CENPN: variants seen among roughly 807,000 people sequenced by gnomAD.
CENPN encodes centromere protein N, also known as interphase centromere complex protein 32.
In CENPN, 36 loss-of-function variants were observed where a neutral mutation model predicts 48.6. The ratio of observed to expected loss-of-function variants is 0.74; its 90% CI spans 0.57 to 0.98. CENPN has a LOEUF of 0.98. Among genes scored for constraint, CENPN ranks in the 50% least tolerant of loss-of-function variants. CENPN has a pLI of 0.00. For synonymous variants in CENPN, 166 were observed against 135.2 expected (o/e 1.23, Z -1.58); for missense variants, 439 against 399.2 (o/e 1.10, Z -0.85).
rs558996771 is a variant in CENPN, at chr16:81,012,133, G to A, written c.171+23G>A. On this transcript the variant is annotated intron_variant, in intron 2 of 10. Transcript: ENST00000305850. ...GAGGTAACAGTGTTAAAAATGATGA[G>A]CCTTGAACAGAGTGCTACCCCCTTG... The A allele has an allele frequency of 5.4e-5, 87 of 1,606,968 alleles. 1 individual carries two copies. The highest frequency in any genetic ancestry group is 3.5e-4 in the South Asian group (32 of 90,796).
At chr16:81,010,983 T>C (rs1198772233) in intron 1 of CENPN, among the ~76,000 whole-genome samples, 2 of 152,212 alleles carry the variant, frequency 1.3e-5, no homozygotes, top group Non-Finnish European at 2.9e-5. Flanking sequence ...CAAGAGCATG[T>C]CCTGCCTGTG....
In CENPN at chr16:81,030,114, A is replaced by G; in HGVS notation, c.*1463A>G. 6 of 748,204 alleles carry G rather than the reference A, an allele frequency of 8.0e-6. No homozygotes were observed. Among genetic ancestry groups the G allele is most frequent in the Non-Finnish European group, 9.8e-6 (6 of 613,772 alleles). 46.3% of individuals were successfully genotyped at this position (748,204 alleles called of 1,614,324 possible). A position where few individuals can be genotyped will look rare whatever the true frequency, so the allele number is the denominator to read the frequency against. Reference sequence around the variant, plus strand: ...GAATAGTATGGGGGAAATCGTTCCCATGACTCAAGTATCTCCACCTGGCCC... The same window carrying G: ...GAATAGTATGGGGGAAATCGTTCCCGTGACTCAAGTATCTCCACCTGGCCC... On this transcript the variant is annotated 3_prime_UTR_variant, in exon 11 of 11. Coordinates refer to ENST00000305850, the MANE Select transcript of CENPN (RefSeq NM_001100624.3).
rs751042199 is a variant in CENPN, at chr16:81,028,240, C to T, written c.880C>T (p.Leu294=). 6.8e-6 allele frequency: 11 copies of T among 1,613,718 alleles called. No homozygotes were observed. Among genetic ancestry groups the T allele is most frequent in the Non-Finnish European group, 8.5e-6 (10 of 1,179,722 alleles). Residue 294 remains leucine, a synonymous_variant, in exon 10 of 11, where the codon CTA becomes TTA. Coordinates refer to ENST00000305850, the MANE Select transcript of CENPN (RefSeq NM_001100624.3). ...TGAGAGGGAAGAACCCCTCCGATGC[C>T]TAATAAAGTTCTCTAGCCCACATCT... ...LAEREEPLRC[L]IKFSSPHLLE...
downstream of CENPN, chr16:81,032,934 G>A (rs1597118355): frequency 5.8e-6 from 2 of 346,904 alleles, no homozygotes; most frequent in East Asian, 9.9e-5. Flanking sequence ...ACTAATCTGT[G>A]GCCAACCAAC....
At chr16:81,020,597 C>T in intron 6 of CENPN, 1 of 205,502 alleles carries the variant, frequency 4.9e-6, no homozygotes, top group Non-Finnish European at 9.6e-6. Flanking sequence ...GGGAACATGG[C>T]ATAAGATATT....
At position 81,029,423 on chromosome 16, in the gene CENPN, A is replaced by C; in HGVS notation, c.*772A>C. ...TATTTCTTTATTTATTTATTGAGAC[A>C]GGGTCTCACTGTGTCACCCAAGCTG... On this transcript the variant is annotated 3_prime_UTR_variant, in exon 11 of 11. Transcript: ENST00000305850. 4 of 476,992 alleles carry C rather than the reference A, an allele frequency of 8.4e-6. No homozygotes were observed. Among genetic ancestry groups the C allele is most frequent in the Non-Finnish European group, 1.1e-5 (4 of 365,394 alleles). The allele number at this position is 476,992 out of a possible 1,614,324, so 29.5% of individuals were successfully genotyped here. A position where few individuals can be genotyped will look rare whatever the true frequency, so the allele number is the denominator to read the frequency against.
chr16:81,028,716 G>T lies in CENPN; in HGVS notation c.*65G>T. 6.4e-7 allele frequency: 1 copy of T among 1,564,824 alleles called. No homozygotes were observed. Among genetic ancestry groups the T allele is most frequent in the Non-Finnish European group, 8.6e-7 (1 of 1,162,868 alleles). On this transcript the variant is annotated 3_prime_UTR_variant, in exon 11 of 11. Transcript: ENST00000305850. ...TATTGCACATGCACTTCAGTTCATG[G>T]CTAGCTGTATAGCTTCCGTCTGTAA...
chr16:81,019,766 C>G (rs1473469463), intron 5 of CENPN, among the ~76,000 whole-genome samples: 4 of 151,576 alleles, frequency 2.6e-5, no homozygotes, highest in Admixed American at 6.6e-5. Context: ...GTCTCAGCTA[C>G]TAGGGAGGCT....
At chr16:81,018,725 C>T (rs1465653317) in intron 5 of CENPN, among the ~76,000 whole-genome samples, 6 of 152,162 alleles carry the variant, frequency 3.9e-5, no homozygotes, top group African/African-American at 9.7e-5. Context: ...AGCTGTGTGC[C>T]GCCATACCCT....
At chr16:81,032,248 T>A (rs917055130), downstream of CENPN, among the ~76,000 whole-genome samples, 4 of 152,212 alleles carry the variant, frequency 2.6e-5, no homozygotes, top group Admixed American at 1.3e-4. Flanking sequence ...TAGAGCCACA[T>A]ATGGATGGAC....
downstream of CENPN, among the ~76,000 whole-genome samples, chr16:81,032,255 G>A (rs142963063): frequency 4.6e-5 from 7 of 152,288 alleles, no homozygotes; most frequent in East Asian, 1.4e-3. Flanking sequence ...ACATATGGAT[G>A]GACCTTTTCA....
downstream of CENPN, among the ~76,000 whole-genome samples, chr16:81,032,388 G>A (rs565755716): frequency 8.5e-5 from 13 of 152,154 alleles, no homozygotes; most frequent in East Asian, 7.7e-4. Flanking sequence ...AATTACACAC[G>A]TTCCCCATCT....
chr16:81,027,039 C>G (rs2151712177), intron 9 of CENPN, among the ~76,000 whole-genome samples: 1 of 152,178 alleles, frequency 6.6e-6, no homozygotes, highest in African/African-American at 2.4e-5. Flanking sequence ...TCAGGTGATC[C>G]ACCTTGCCTC....
chr16:81,017,931 A>C, intron 5 of CENPN, 97 bp downstream of exon 5: 1 of 696,606 alleles, frequency 1.4e-6, no homozygotes, highest in South Asian at 1.8e-5. Flanking sequence ...ATTTGTAAGA[A>C]ATTCAGTTAG....
intron 1 of CENPN, among the ~76,000 whole-genome samples, chr16:81,009,661 T>C (rs1418310313): frequency 6.6e-6 from 1 of 152,244 alleles, no homozygotes; most frequent in African/African-American, 2.4e-5. Context: ...ATTGTTAAAA[T>C]ACAGTCAACT....
rs775268992 is a variant in CENPN, at chr16:81,017,772, C to G, written c.292C>G (p.Leu98Val). The stretch of plus-strand genomic sequence containing the variant: ...CACTTTGGCAGGTGAAGATGTTGAC[C>G]TTTTTGATATGAAACAATTTAAAAA... Reference protein sequence around the residue: ...MSKGPGEDVDLFDMKQFKNSF... With the variant: ...MSKGPGEDVDVFDMKQFKNSF... The change falls in exon 5 of 11, where the codon CTT (leucine) becomes GTT (valine). Residue 98 changes from leucine (L) to valine (V), a missense_variant. By Grantham distance (32) the Leu-to-Val change is conservative. Transcript: ENST00000305850. 1.9e-6 allele frequency: 3 copies of G among 1,587,434 alleles called. No homozygotes were observed. The highest frequency in any genetic ancestry group is 1.7e-6 in the Non-Finnish European group (2 of 1,169,574).
Position 81,007,234 on chromosome 16 carries a change from C to T in CENPN, c.-54C>T, listed in dbSNP as rs187149286. 73 of 168,742 alleles carry T rather than the reference C, an allele frequency of 4.3e-4. No individual in the cohort carries two copies. The highest frequency in any genetic ancestry group is 1.5e-3 in the African/African-American group (64 of 41,826). The allele number at this position is 168,742 out of a possible 1,614,324, so 10.5% of individuals were successfully genotyped here. ...TTGGTGGCTTTGAAGGCGCGGCGAG[C>T]GGGAACAGCTCTTGAGGAGTGAGAC... On this transcript the variant is annotated 5_prime_UTR_variant, in exon 1 of 11. Transcript: ENST00000305850.
At position 81,020,207 on chromosome 16, in the gene CENPN, C is replaced by G. The variant is rs1970119119; in HGVS notation, c.462C>G (p.Tyr154Ter). Residue 154 changes from tyrosine (Y) to a stop codon, truncating the protein, a stop_gained, in exon 6 of 11, where the codon TAC becomes TAG. Transcript: ENST00000305850. LOFTEE classifies it high-confidence loss of function. Reference protein sequence around the residue: ...PNQYKPTYVVYYSQTPYAFTS... With the variant: ...PNQYKPTYVV ...AGTACAAACCTACCTACGTGGTGTA[C>G]TACTCCCAGACTCCGTACGCCTTCA... 2 of 1,613,924 alleles carry G rather than the reference C, an allele frequency of 1.2e-6. No homozygotes were observed. The highest frequency in any genetic ancestry group is 1.7e-5 in the Admixed American group (1 of 59,976).
intron 6 of CENPN, among the ~76,000 whole-genome samples, chr16:81,021,187 A>C (rs1970176560): frequency 6.6e-6 from 1 of 152,212 alleles, no homozygotes; most frequent in Admixed American, 6.5e-5. Flanking sequence ...TTATTAATGA[A>C]CATTATTTTC....
Sources: allele counts gnomAD v4.1 joint callset (sites outside exome capture counted in the v4.1 genomes callset), GRCh38; gene constraint gnomAD v4.1.1; transcripts MANE v1.5; gene names NCBI Gene and HGNC (gene_info 2026-07-23, HGNC 2026-07-21).